TCF4: variants seen among roughly 807,000 people sequenced by gnomAD.
The protein encoded by TCF4 is SL3-3 enhancer factor 2.
Under a neutral mutation model 82.1 loss-of-function variants are expected in TCF4, and 3 were observed. The observed-to-expected ratio is 0.04, with a 90% CI of 0.02 to 0.09. The LOEUF is 0.09. Among genes scored for constraint, TCF4 ranks in the 10% least tolerant of loss-of-function variants. TCF4 has a pLI of 1.00. For missense variants in TCF4, 518 were observed against 852.7 expected (o/e 0.61, Z 4.89); for synonymous variants, 276 against 309.6 (o/e 0.89, Z 1.14).
chr18:55,433,511 T>C (rs1426897904), intron 5 of TCF4, among the ~76,000 whole-genome samples: 1 of 152,268 alleles, frequency 6.6e-6, no homozygotes, highest in East Asian at 1.9e-4. Context: ...TTTGCTGTTA[T>C]GTGGACAAGT....
intron 5 of TCF4, among the ~76,000 whole-genome samples, chr18:55,453,273 A>G (rs540192570): frequency 6.6e-6 from 1 of 152,318 alleles, no homozygotes; most frequent in African/African-American, 2.4e-5. Flanking sequence ...GGAAGGACAA[A>G]AGAATCACAG....
rs78421321 is a variant in TCF4 at position 55,451,620 on chromosome 18, T to G, written c.304+9399A>C. 8.6e-3 allele frequency among the ~76,000 whole-genome samples: 1,302 copies of G among 152,238 alleles called. 17 individuals are homozygous for G. Among genetic ancestry groups the G allele is most frequent in the Middle Eastern group, 0.031 (9 of 292 alleles). ...TTGAGGATGAATACAGCACTTAAGG[T>G]GGACACAGAAGTTTCAAGGATGTGA... On this transcript the variant is annotated intron_variant, in intron 5 of 19. Coordinates refer to ENST00000354452, the MANE Select transcript of TCF4 (RefSeq NM_001083962.2).
At chr18:55,244,539 C>A (rs1199829998) in intron 15 of TCF4, among the ~76,000 whole-genome samples, 1 of 152,132 alleles carries the variant, frequency 6.6e-6, no homozygotes, top group African/African-American at 2.4e-5. Context: ...CTTATTAATA[C>A]TTATAGCCGT....
intron 3 of TCF4, among the ~76,000 whole-genome samples, chr18:55,581,265 A>G (rs1309076637): frequency 6.6e-6 from 1 of 152,080 alleles, no homozygotes; most frequent in Non-Finnish European, 1.5e-5. Context: ...ATAGAGAATT[A>G]GCAAATAAAA....
rs555567268 is a variant in TCF4 at position 55,426,858 on chromosome 18, A to G, written c.305-23340T>C. On this transcript the variant is annotated intron_variant, in intron 5 of 19. Coordinates refer to ENST00000354452, the MANE Select transcript of TCF4 (RefSeq NM_001083962.2). ...CACAAAGACACAAACACAGACACACAAAGACACACACACACACTCCTCAAA... is the reference window on the plus strand; with the variant it reads ...CACAAAGACACAAACACAGACACACGAAGACACACACACACACTCCTCAAA... Among the ~76,000 whole-genome samples, 6 of 152,280 alleles carry G rather than the reference A, an allele frequency of 3.9e-5. No homozygotes were observed. In the South Asian group the frequency reaches 1.2e-3, roughly 32 times the overall value.
At chr18:55,290,660 A>G (rs1435909748) in intron 8 of TCF4, among the ~76,000 whole-genome samples, 3 of 152,170 alleles carry the variant, frequency 2.0e-5, no homozygotes, top group Non-Finnish European at 4.4e-5. Flanking sequence ...AAATGTCTTT[A>G]GTGCTGTGTT....
chr18:55,606,426 C>G (rs980068873), intron 2 of TCF4, among the ~76,000 whole-genome samples: 1 of 152,124 alleles, frequency 6.6e-6, no homozygotes, highest in Admixed American at 6.6e-5. Context: ...AATTCACAGC[C>G]CAGAACCATA....
exon 1 of TCF4, chr18:55,635,860 G>A (rs761770250): frequency 7.7e-6 from 12 of 1,566,866 alleles, no homozygotes; most frequent in African/African-American, 1.4e-5. Flanking sequence ...AAAGAGGAGA[G>A]GCACCTGTGG....
At chr18:55,275,286 A>AC (rs1252692030) in intron 10 of TCF4, among the ~76,000 whole-genome samples, 1 of 150,694 alleles carries the variant, frequency 6.6e-6, no homozygotes, top group African/African-American at 2.4e-5. Flanking sequence ...AAAAAAAAAA[A>AC]AAAAAAAAAA....
At chr18:55,324,791 G>A (rs948265441) in intron 8 of TCF4, among the ~76,000 whole-genome samples, 2 of 152,032 alleles carry the variant, frequency 1.3e-5, no homozygotes, top group African/African-American at 4.8e-5. Context: ...AAGCACTATT[G>A]AGGACACTGG....
intron 14 of TCF4, among the ~76,000 whole-genome samples, chr18:55,255,010 GA>G (rs1195532246): frequency 6.6e-6 from 1 of 152,118 alleles, no homozygotes; most frequent in Non-Finnish European, 1.5e-5. Flanking sequence ...TTTTAGAAGA[GA>G]AAAACATTCA....
chr18:55,624,501 C>T (rs1221459857), intron 2 of TCF4, among the ~76,000 whole-genome samples: 1 of 149,314 alleles, frequency 6.7e-6, no homozygotes, highest in African/African-American at 2.5e-5. Context: ...TTTTAATAAA[C>T]ATGAATTCTT....
At chr18:55,338,690 G>A (rs950573862) in intron 8 of TCF4, among the ~76,000 whole-genome samples, 1 of 152,152 alleles carries the variant, frequency 6.6e-6, no homozygotes, top group Non-Finnish European at 1.5e-5. Flanking sequence ...AGATGAGAGT[G>A]AAGTATTCTC....
chr18:55,338,719 G>A (rs751616713), intron 8 of TCF4, among the ~76,000 whole-genome samples: 2 of 152,118 alleles, frequency 1.3e-5, no homozygotes, highest in African/African-American at 2.4e-5. Flanking sequence ...AACAAATTCT[G>A]ATTTATTTGC....
intron 15 of TCF4, among the ~76,000 whole-genome samples, chr18:55,252,358 TTGTGTGTG>T (rs3831430): frequency 3.3e-5 from 5 of 149,868 alleles, no homozygotes; most frequent in Admixed American, 6.7e-5. Flanking sequence ...TTTATTGCTT[TTGTGTGTG>T]TGTGTGTGTG....
upstream of TCF4, chr18:55,591,378 A>G (rs12457949): frequency 0.14 from 21,957 of 152,268 alleles, 2,042 homozygotes; most frequent in Admixed American, 0.28. Context: ...CTCTACCTCT[A>G]GTCATTCTTT....
At chr18:55,595,882 A>G (rs963674885) in intron 2 of TCF4, among the ~76,000 whole-genome samples, 2 of 152,116 alleles carry the variant, frequency 1.3e-5, no homozygotes, top group African/African-American at 4.8e-5. Context: ...GCTGGAGAGC[A>G]TTTTGTCTGT....
At chr18:55,458,036 A>C (rs2095800229) in intron 5 of TCF4, among the ~76,000 whole-genome samples, 1 of 152,166 alleles carries the variant, frequency 6.6e-6, no homozygotes, top group Admixed American at 6.5e-5. Context: ...AATAAAATAA[A>C]ACCTTACTAA....
intron 3 of TCF4, among the ~76,000 whole-genome samples, chr18:55,515,720 T>C (rs1360545869): frequency 2.6e-5 from 4 of 152,146 alleles, no homozygotes; most frequent in Non-Finnish European, 5.9e-5. Flanking sequence ...AGCCAGATCA[T>C]GGCACATTAT....
Sources: gnomAD v4.1 joint callset for allele counts (sites outside exome capture counted in the v4.1 genomes callset) on GRCh38, gnomAD v4.1.1 for gene constraint, MANE v1.5 for transcripts, NCBI Gene and HGNC (gene_info 2026-07-23, HGNC 2026-07-21) for gene names.